Variants in PHF24 observed in about 807,000 individuals in gnomAD.
PHF24 encodes Galpha inhibitory interacting protein.
PHF24 carries 25 observed loss-of-function variants against 42.6 expected under a neutral mutation model. The observed-to-expected ratio is 0.59, with a 90% CI of 0.43 to 0.82. The LOEUF (loss-of-function observed/expected upper bound fraction) is 0.82. Ranked by LOEUF, PHF24 falls within the 40% of genes least tolerant of loss-of-function variation. The pLI, the probability that PHF24 is intolerant of heterozygous loss-of-function variation, is 0.00. For synonymous variants in PHF24, 185 were observed against 204.8 expected, an observed-to-expected ratio of 0.90 and a Z score of 0.83; for missense variants, 470 against 538.1, an observed-to-expected ratio of 0.87 and a Z score of 1.25.
At chr9:34,674,587 G>A in the PHF24 span, among the ~76,000 whole-genome samples, 1 of 152,270 alleles carries the variant, frequency 6.6e-6, no homozygotes, top group South Asian at 2.1e-4. Context: ...ACAGAAACAG[G>A]TGGCAGGCTG....
At chr9:34,728,589 A>G in the PHF24 span, 277 of 1,549,336 alleles carry the variant, frequency 1.8e-4, no homozygotes, top group Admixed American at 2.9e-4. Flanking sequence ...AGGGAGTCAG[A>G]GGAGAGATTG....
the PHF24 span, among the ~76,000 whole-genome samples, chr9:34,771,537 A>C: frequency 6.6e-6 from 1 of 152,152 alleles, no homozygotes; most frequent in South Asian, 2.1e-4. Flanking sequence ...AGGACATATA[A>C]GCCTTTTGCT....
chr9:34,686,473 A>G, the PHF24 span, among the ~76,000 whole-genome samples: 1 of 152,184 alleles, frequency 6.6e-6, no homozygotes, highest in Non-Finnish European at 1.5e-5. Context: ...TTTGTTAATC[A>G]TATGTGTATT....
chr9:34,797,376 C>T, the PHF24 span, among the ~76,000 whole-genome samples: 1 of 152,118 alleles, frequency 6.6e-6, no homozygotes, highest in African/African-American at 2.4e-5. Flanking sequence ...GGGTTCTTGC[C>T]TTGGTGTACC....
chr9:34,710,463 G>A, the PHF24 span, among the ~76,000 whole-genome samples: 412 of 129,648 alleles, frequency 3.2e-3, 1 homozygote, highest in African/African-American at 0.011. Flanking sequence ...AATTGTAAGA[G>A]TTCTTTTTTT....
At chr9:34,705,154 C>T in the PHF24 span, among the ~76,000 whole-genome samples, 13 of 151,530 alleles carry the variant, frequency 8.6e-5, no homozygotes, top group Middle Eastern at 3.2e-3. Flanking sequence ...ACTGTATTCA[C>T]GAATAAGACA....
Position 34,971,281 on chromosome 9 carries a change from C to G in PHF24, c.-4-14C>G. Reference sequence around the variant, plus strand: ...CATTGGCTGAACCTGTGCCCCTCTGCTTTTTGTCCACAGAGCCATGGGGGT... The same window carrying G: ...CATTGGCTGAACCTGTGCCCCTCTGGTTTTTGTCCACAGAGCCATGGGGGT... On this transcript the variant is annotated splice_polypyrimidine_tract_variant and intron_variant, in intron 1 of 7. Coordinates refer to ENST00000242315, the Ensembl canonical transcript of PHF24. The G allele has an allele frequency of 1.9e-6, 3 of 1,577,836 alleles. No homozygotes were observed. In the South Asian group the frequency reaches 3.5e-5, roughly 18 times the overall value.
At chr9:34,785,273 ACT>A in the PHF24 span, among the ~76,000 whole-genome samples, 1 of 151,762 alleles carries the variant, frequency 6.6e-6, no homozygotes, top group African/African-American at 2.4e-5. Flanking sequence ...AAAGAGACAA[ACT>A]CTCTCTGAAG....
chr9:34,820,231 T>A, the PHF24 span, among the ~76,000 whole-genome samples: 1 of 151,280 alleles, frequency 6.6e-6, no homozygotes, highest in Admixed American at 6.6e-5. Flanking sequence ...TTTCTTTTTT[T>A]AAAAAAACTC....
At chr9:34,822,076 T>G in the PHF24 span, among the ~76,000 whole-genome samples, 1 of 152,226 alleles carries the variant, frequency 6.6e-6, no homozygotes, top group South Asian at 2.1e-4. Context: ...CTGGCATTTG[T>G]GCTATTGTCA....
At chr9:34,690,274 C>G in the PHF24 span, 3 of 1,614,108 alleles carry the variant, frequency 1.9e-6, no homozygotes, top group South Asian at 2.2e-5. Context: ...ACGATGTACC[C>G]AGGGATGGGT....
the PHF24 span, chr9:34,917,950 A>G: frequency 3.9e-6 from 6 of 1,557,412 alleles, no homozygotes; most frequent in Non-Finnish European, 2.7e-6. Context: ...TTTAGCACCA[A>G]GGCCATGTGG....
the PHF24 span, among the ~76,000 whole-genome samples, chr9:34,719,891 G>C: frequency 2.6e-5 from 4 of 152,216 alleles, no homozygotes; most frequent in African/African-American, 9.6e-5. Context: ...CAGCAGGTTT[G>C]GGCCTTGTGC....
the PHF24 span, among the ~76,000 whole-genome samples, chr9:34,944,359 T>G: frequency 1.3e-5 from 2 of 152,264 alleles, no homozygotes; most frequent in Non-Finnish European, 2.9e-5. Flanking sequence ...TTCTTTTAGT[T>G]CCTTCAGTGT....
the PHF24 span, chr9:34,708,987 A>T: frequency 1.6e-5 from 3 of 192,720 alleles, no homozygotes; most frequent in Non-Finnish European, 1.0e-5. Context: ...GTGGACATAA[A>T]CACATGGGAA....
chr9:34,940,048 A>G, the PHF24 span, among the ~76,000 whole-genome samples: 1 of 152,184 alleles, frequency 6.6e-6, no homozygotes, highest in African/African-American at 2.4e-5. Context: ...GAAAGAGCAG[A>G]CAGTAAAACA....
At chr9:34,850,218 C>G in the PHF24 span, among the ~76,000 whole-genome samples, 1 of 152,150 alleles carries the variant, frequency 6.6e-6, no homozygotes, top group African/African-American at 2.4e-5. Context: ...GTTCCATTCT[C>G]CCTGTCACTT....
chr9:34,841,624 G>A, the PHF24 span, among the ~76,000 whole-genome samples: 12 of 152,136 alleles, frequency 7.9e-5, no homozygotes, highest in East Asian at 1.9e-4. Context: ...TTGGGAGGCC[G>A]AGGCAGGCAG....
upstream of PHF24, among the ~76,000 whole-genome samples, chr9:34,956,322 C>T (rs997769408): frequency 1.2e-4 from 19 of 152,142 alleles, no homozygotes; most frequent in African/African-American, 1.9e-4. Context: ...TGCAGTGGTG[C>T]GATCTTGGCT....
Sources: gnomAD v4.1 joint callset for allele counts (sites outside exome capture counted in the v4.1 genomes callset) on GRCh38, gnomAD v4.1.1 for gene constraint, MANE v1.5 for transcripts, NCBI Gene and HGNC (gene_info 2026-07-23, HGNC 2026-07-21) for gene names.